Variants in SLC45A2 observed in about 807,000 individuals in gnomAD.
The protein encoded by SLC45A2 is membrane-associated transporter protein.
A neutral mutation model predicts 45.5 loss-of-function variants in SLC45A2; 36 were observed. The observed-to-expected ratio is 0.79, with a 90% CI of 0.61 to 1.04. The LOEUF (loss-of-function observed/expected upper bound fraction) is 1.04, where lower values mean the gene tolerates loss of function less well. SLC45A2 is among the 50% of genes least tolerant of loss of function. The probability of loss-of-function intolerance (pLI) is 0.00; values close to 1 mark genes in which losing one functional copy is unlikely to be tolerated. For missense variants in SLC45A2, 719 were observed against 671.0 expected, an observed-to-expected ratio of 1.07 and a Z score of -0.79; for synonymous variants, 306 against 269.3, an observed-to-expected ratio of 1.14 and a Z score of -1.33.
At chr5:33,969,030 C>T (rs901774750) in intron 2 of SLC45A2, among the ~76,000 whole-genome samples, 6 of 72,444 alleles carry the variant, frequency 8.3e-5, no homozygotes, top group Admixed American at 2.9e-4. Context: ...GGACAGTTAA[C>T]ATAAGTACCA....
chr5:33,959,143 T>TATCA (rs1752369043), intron 3 of SLC45A2, among the ~76,000 whole-genome samples: 1 of 152,208 alleles, frequency 6.6e-6, no homozygotes, highest in African/African-American at 2.4e-5. Context: ...CCTGTGAGCC[T>TATCA]ATCATCCAGA....
chr5:33,969,065 CTG>C (rs66961145), intron 2 of SLC45A2, among the ~76,000 whole-genome samples: 6 of 102,464 alleles, frequency 5.9e-5, no homozygotes, highest in East Asian at 5.0e-4. Flanking sequence ...CTCTCTCTCT[CTG>C]TGTGTGTGTG....
chr5:33,949,262 A>G (rs1389601895), intron 5 of SLC45A2, among the ~76,000 whole-genome samples: 4 of 152,196 alleles, frequency 2.6e-5, no homozygotes, highest in African/African-American at 9.6e-5. Context: ...GATGAATCCA[A>G]AATAGAGGGT....
chr5:33,946,442 A>G, intron 6 of SLC45A2: 4 of 985,672 alleles, frequency 4.1e-6, no homozygotes, highest in Non-Finnish European at 4.8e-6. Context: ...TGCTCCAGTT[A>G]AGGAACTATA....
chr5:33,965,786 C>A (rs1274226375), intron 2 of SLC45A2, among the ~76,000 whole-genome samples: 3 of 152,180 alleles, frequency 2.0e-5, no homozygotes, highest in African/African-American at 7.2e-5. Context: ...TCAAGCCAAG[C>A]AATCAACCAA....
rs781553426 is a variant in SLC45A2, at chr5:33,954,477, G to T, written c.916C>A (p.Leu306Met). Residue 306 changes from leucine to methionine, a missense_variant, in exon 4 of 7, where the codon CTG becomes ATG. Leu to Met is a conservative substitution (Grantham distance 15, BLOSUM62 2). Coordinates refer to ENST00000296589, the MANE Select transcript of SLC45A2 (RefSeq NM_016180.5). ...QTRRAMTLKS[L>M]LRALVNMPPH... ...GGCATGTTCACCAGTGCTCTCAGCA[G>T]TGACTTTAATGTCATTGCCCTGCGA... The T allele has an allele frequency of 1.9e-6, 3 of 1,614,066 alleles. No homozygotes were observed. The Admixed American group carries it at 5.0e-5, about 27-fold the overall frequency.
chr5:33,982,923 G>A (rs139596355), intron 1 of SLC45A2, among the ~76,000 whole-genome samples: 7 of 152,300 alleles, frequency 4.6e-5, no homozygotes, highest in East Asian at 3.9e-4. Context: ...CTCCTTTTAC[G>A]CACTTCTGCA....
intron 5 of SLC45A2, among the ~76,000 whole-genome samples, chr5:33,949,446 G>A (rs1752033411): frequency 6.6e-6 from 1 of 152,168 alleles, no homozygotes; most frequent in South Asian, 2.1e-4. Context: ...TCAGGCAGAA[G>A]AAACTAAAAG....
chr5:33,946,792 G>A, intron 6 of SLC45A2: 1 of 1,169,526 alleles, frequency 8.6e-7, no homozygotes, highest in South Asian at 2.4e-5. Flanking sequence ...AATGCTGCAG[G>A]TGGCACCAGG....
At chr5:33,963,057 C>A (rs985631230) in intron 3 of SLC45A2, among the ~76,000 whole-genome samples, 2 of 152,334 alleles carry the variant, frequency 1.3e-5, no homozygotes, top group South Asian at 2.1e-4. Context: ...GTAGCTAATG[C>A]AACTGAAGAA....
At chr5:33,967,021 C>G (rs904262546) in intron 2 of SLC45A2, among the ~76,000 whole-genome samples, 1 of 152,160 alleles carries the variant, frequency 6.6e-6, no homozygotes, top group East Asian at 1.9e-4. Context: ...AAATAATCCA[C>G]GTCAAGCCCC....
chr5:33,945,401 C>A (rs1487500892), intron 6 of SLC45A2, among the ~76,000 whole-genome samples: 2 of 152,170 alleles, frequency 1.3e-5, no homozygotes, highest in Non-Finnish European at 2.9e-5. Context: ...TTAAGAGAAG[C>A]AACTTTAAAA....
intron 2 of SLC45A2, among the ~76,000 whole-genome samples, chr5:33,975,697 A>G (rs1293316838): frequency 6.6e-6 from 1 of 152,122 alleles, no homozygotes; most frequent in Non-Finnish European, 1.5e-5. Context: ...TAAAACCCCA[A>G]TGTGGTTTAG....
intron 3 of SLC45A2, among the ~76,000 whole-genome samples, chr5:33,963,342 GA>G (rs1254540105): frequency 6.6e-6 from 1 of 152,148 alleles, no homozygotes; most frequent in East Asian, 1.9e-4. Flanking sequence ...CCATTTGGAG[GA>G]AAAAATTTCT....
At chr5:33,948,272 A>G (rs891185683) in intron 5 of SLC45A2, among the ~76,000 whole-genome samples, 2 of 152,208 alleles carry the variant, frequency 1.3e-5, no homozygotes, top group Non-Finnish European at 2.9e-5. Flanking sequence ...TGGCAGAACT[A>G]ATTTTTAAAA....
rs745701269 is a variant in SLC45A2, at chr5:33,984,353, G to A, written c.231C>T (p.Ser77=). Reference sequence around the variant, plus strand: ...GCTGCAGCAGGAATCCCAGGATGGGGCTGAGGAACCACACAATGCTGTACA... The same window carrying A: ...GCTGCAGCAGGAATCCCAGGATGGGACTGAGGAACCACACAATGCTGTACA... ...SSLYSIVWFL[S]PILGFLLQPV... The change falls in exon 1 of 7, where the codon AGC becomes AGT. Residue 77 remains serine (S), a synonymous_variant. Transcript: ENST00000296589. 12 of 1,613,918 alleles carry A rather than the reference G, an allele frequency of 7.4e-6. No homozygotes were observed. In the African/African-American group the frequency reaches 1.6e-4, roughly 22 times the overall value.
intron 3 of SLC45A2, 150 bp downstream of exon 3, chr5:33,963,541 A>G: frequency 1.2e-6 from 1 of 848,552 alleles, no homozygotes; most frequent in Non-Finnish European, 1.9e-6. Flanking sequence ...TTTAATTCCA[A>G]GGGATGATAG....
chr5:33,971,674 T>C (rs1290785033), intron 2 of SLC45A2, among the ~76,000 whole-genome samples: 1 of 152,184 alleles, frequency 6.6e-6, no homozygotes, highest in African/African-American at 2.4e-5. Context: ...TTGCCCAGGA[T>C]GGAGTGCAGT....
intron 3 of SLC45A2, among the ~76,000 whole-genome samples, chr5:33,959,554 C>G (rs2111946400): frequency 6.6e-6 from 1 of 152,258 alleles, no homozygotes; most frequent in South Asian, 2.1e-4. Context: ...TCCCAATGAC[C>G]TCTTAGTTCC....
Sources: allele counts gnomAD v4.1 joint callset (sites outside exome capture counted in the v4.1 genomes callset), GRCh38; gene constraint gnomAD v4.1.1; transcripts MANE v1.5; gene names NCBI Gene and HGNC (gene_info 2026-07-23, HGNC 2026-07-21).